Variants in PDE6A observed in about 807,000 individuals in gnomAD.
The protein encoded by PDE6A is rod cGMP-specific 3',5'-cyclic phosphodiesterase subunit alpha.
A neutral mutation model predicts 106.3 loss-of-function variants in PDE6A; 84 were observed. The observed-to-expected ratio is 0.79, with a 90% confidence interval of 0.66 to 0.95. PDE6A has a LOEUF of 0.95. Among genes scored for constraint, PDE6A ranks in the 40% least tolerant of loss-of-function variants. The pLI is 0.00. For synonymous variants in PDE6A, 394 were observed against 386.6 expected (o/e 1.02, Z -0.23); for missense variants, 1,052 against 1,084.9 (o/e 0.97, Z 0.43).
intron 17 of PDE6A, among the ~76,000 whole-genome samples, chr5:149,877,826 A>G (rs1020485527): frequency 2.0e-5 from 3 of 152,214 alleles, no homozygotes; most frequent in African/African-American, 7.2e-5. Context: ...ATTTTTTTCA[A>G]CTGAACATGG....
rs1760011424 is a variant in PDE6A at position 149,858,460 on chromosome 5, A to C, written c.*2435T>G. On this transcript the variant is annotated 3_prime_UTR_variant, in exon 22 of 22. Transcript: ENST00000255266. ...CTAGGTATTGCATACTTGCCAGAACATACTTAGATTCGGTTTAAAAGAAAT... is the reference window on the plus strand; with the variant it reads ...CTAGGTATTGCATACTTGCCAGAACCTACTTAGATTCGGTTTAAAAGAAAT... 6.6e-6 allele frequency: 1 copy of C among 152,234 alleles called. No individual in the cohort carries two copies. The highest frequency in any genetic ancestry group is 6.5e-5 in the Admixed American group (1 of 15,284). 9.4% of individuals were successfully genotyped at this position (152,234 alleles called of 1,614,324 possible).
At chr5:149,937,292 G>T (rs1046615206) in intron 1 of PDE6A, among the ~76,000 whole-genome samples, 1 of 152,216 alleles carries the variant, frequency 6.6e-6, no homozygotes, top group Non-Finnish European at 1.5e-5. Context: ...GAAAGCAGAG[G>T]GCAAGGAAGT....
chr5:149,879,431 T>C lies in PDE6A; in HGVS notation c.2135+3998A>G, dbSNP rs987027141. On this transcript the variant is annotated intron_variant, in intron 17 of 21. Transcript: ENST00000255266. ...TTTTTTTTTTAGGTTTTTTTTTTAT[T>C]ATTGTTATTATACTTTAAGTTTTAG... Among the ~76,000 whole-genome samples, 7 of 151,656 alleles carry C rather than the reference T, an allele frequency of 4.6e-5. 1 individual carries two copies. Among genetic ancestry groups the C allele is most frequent in the African/African-American group, 1.7e-4 (7 of 41,284 alleles).
At chr5:149,928,004 A>G (rs1753910761) in intron 4 of PDE6A, among the ~76,000 whole-genome samples, 1 of 151,580 alleles carries the variant, frequency 6.6e-6, no homozygotes, top group African/African-American at 2.4e-5. Flanking sequence ...ATCTCCTATG[A>G]TAACAATGCT....
At chr5:149,867,674 A>C in intron 19 of PDE6A, 51 bp downstream of exon 19, 2 of 1,495,996 alleles carry the variant, frequency 1.3e-6, no homozygotes, top group Non-Finnish European at 1.9e-6. Flanking sequence ...TATCTAGGTC[A>C]GGATGGAGCA....
At chr5:149,904,729 A>C (rs551388070) in intron 7 of PDE6A, among the ~76,000 whole-genome samples, 2 of 152,166 alleles carry the variant, frequency 1.3e-5, no homozygotes, top group South Asian at 4.2e-4. Flanking sequence ...TGCTCACTGC[A>C]CCAGCCTTCT....
intron 17 of PDE6A, among the ~76,000 whole-genome samples, chr5:149,880,745 C>G (rs1238131298): frequency 6.6e-6 from 1 of 151,726 alleles, no homozygotes; most frequent in Non-Finnish European, 1.5e-5. Context: ...AAATAAATAA[C>G]CAAAATGAGA....
chr5:149,935,790 A>C (rs372697595), intron 1 of PDE6A, among the ~76,000 whole-genome samples: 13 of 152,344 alleles, frequency 8.5e-5, no homozygotes, highest in African/African-American at 3.1e-4. Context: ...GGCCAGCCCA[A>C]ACATGCTCAG....
chr5:149,907,234 C>T, intron 7 of PDE6A, 78 bp downstream of exon 7: 1 of 1,113,136 alleles, frequency 9.0e-7, no homozygotes, highest in Non-Finnish European at 1.4e-6. Context: ...CTTTTCCACT[C>T]TCTTCTTGAT....
intron 14 of PDE6A, 31 bp downstream of exon 14, chr5:149,886,234 G>T: frequency 6.8e-7 from 1 of 1,462,960 alleles, no homozygotes; most frequent in South Asian, 1.1e-5. Flanking sequence ...TGAATCCGGA[G>T]GGTTGGGTGT....
intron 8 of PDE6A, among the ~76,000 whole-genome samples, chr5:149,902,732 G>A (rs1581185494): frequency 6.6e-6 from 1 of 151,882 alleles, no homozygotes; most frequent in Non-Finnish European, 1.5e-5. Flanking sequence ...TGAGGCAGGA[G>A]GATGGCGTGA....
At chr5:149,892,789 A>G (rs1752592349) in intron 13 of PDE6A, among the ~76,000 whole-genome samples, 1 of 150,842 alleles carries the variant, frequency 6.6e-6, no homozygotes, top group Admixed American at 6.6e-5. Context: ...CCTGTATAAA[A>G]TTTATAGATA....
chr5:149,931,915 A>G (rs906420445), intron 3 of PDE6A: 1 of 802,866 alleles, frequency 1.2e-6, no homozygotes, highest in African/African-American at 1.7e-5. Flanking sequence ...TGGACTATAA[A>G]ATGGCGTACA....
chr5:149,879,476 C>T (rs955415063), intron 17 of PDE6A, among the ~76,000 whole-genome samples: 18 of 150,922 alleles, frequency 1.2e-4, no homozygotes, highest in African/African-American at 4.1e-4. Flanking sequence ...GCACCTTGTG[C>T]AGGTTAGTTA....
chr5:149,903,075 C>T (rs372943486), intron 8 of PDE6A, among the ~76,000 whole-genome samples: 8 of 140,184 alleles, frequency 5.7e-5, no homozygotes, highest in East Asian at 2.1e-4. Context: ...CTTGAACCCA[C>T]GAGGTTGAGG....
At position 149,867,797 on chromosome 5, in the gene PDE6A, TACC is replaced by T; in HGVS notation, c.2200-1_2201del. ...AGAATTCAGCAGCCACCAGCAGAGC[TACC>T]TGCAACAGACAGACCCTCACACACG... is the stretch of plus-strand genomic sequence containing the variant. On this transcript the variant is annotated splice_acceptor_variant and coding_sequence_variant, in exon 19 of 22. Coordinates refer to ENST00000255266, the MANE Select transcript of PDE6A (RefSeq NM_000440.3). LOFTEE classifies it high-confidence loss of function. 6.2e-7 allele frequency: 1 copy of T among 1,612,882 alleles called. No homozygotes were observed. Among genetic ancestry groups the T allele is most frequent in the East Asian group, 2.2e-5 (1 of 44,850 alleles).
intron 5 of PDE6A, among the ~76,000 whole-genome samples, chr5:149,920,982 G>GAAAGAAAGAAAT (rs774819352): frequency 7.5e-6 from 1 of 134,010 alleles, no homozygotes; most frequent in African/African-American, 3.7e-5. Flanking sequence ...AAGAAAGAAA[G>GAAAGAAAGAAAT]AAAGAAAGAA....
intron 17 of PDE6A, among the ~76,000 whole-genome samples, chr5:149,874,344 C>T (rs969373027): frequency 7.2e-5 from 11 of 152,126 alleles, no homozygotes; most frequent in Non-Finnish European, 1.5e-4. Context: ...TCCCTGCGTT[C>T]GGGTTCAGTA....
rs55892806 is a variant in PDE6A at position 149,863,387 on chromosome 5, C to G, written c.2359-121G>C. 1 of 965,910 alleles carries G rather than the reference C, an allele frequency of 1.0e-6. No individual in the cohort carries two copies. Among genetic ancestry groups the G allele is most frequent in the East Asian group, 2.6e-5 (1 of 38,760 alleles). The allele number at this position is 965,910 out of a possible 1,614,324, so 59.8% of individuals were successfully genotyped here. Reference sequence around the variant, plus strand: ...AGCTGCTTCGGAGTAGCAGGCCTCCCGCCACCGTGCTGATACTGCAGGGCC... The same window carrying G: ...AGCTGCTTCGGAGTAGCAGGCCTCCGGCCACCGTGCTGATACTGCAGGGCC... On this transcript the variant is annotated intron_variant, in intron 20 of 21. Coordinates refer to ENST00000255266, the MANE Select transcript of PDE6A (RefSeq NM_000440.3). This position sits in a 1 kb window ranked among gnomAD's most constrained non-coding sequence, Gnocchi z 4.7.
Sources: gnomAD v4.1 joint callset for allele counts (sites outside exome capture counted in the v4.1 genomes callset) on GRCh38, gnomAD v4.1.1 for gene constraint, Gnocchi (gnomAD v3.1) non-coding constraint, MANE v1.5 for transcripts, NCBI Gene and HGNC (gene_info 2026-07-23, HGNC 2026-07-21) for gene names.